The following LDLRAD4 variants were observed in gnomAD, a reference collection of about 807,000 sequenced individuals.
The protein encoded by LDLRAD4 is low density lipoprotein receptor class A domain containing 4, also known as low-density lipoprotein receptor class A domain-containing protein 4.
A neutral mutation model predicts 17.0 loss-of-function variants in LDLRAD4; 5 were observed. The observed-to-expected ratio is 0.29, with a 90% CI of 0.15 to 0.62. The LOEUF is 0.62. Among genes scored for constraint, LDLRAD4 ranks in the 20% least tolerant of loss-of-function variants. The pLI is 0.84. For missense variants in LDLRAD4, 340 were observed against 424.7 expected (o/e 0.80, Z 1.75); for synonymous variants, 168 against 171.8 (o/e 0.98, Z 0.17).
intron 2 of LDLRAD4, among the ~76,000 whole-genome samples, chr18:13,428,780 C>T (rs543750985): frequency 6.6e-4 from 101 of 152,212 alleles, no homozygotes; most frequent in African/African-American, 2.3e-3. Context: ...AGTGGCATCT[C>T]TATCCCCAGT....
intron 1 of LDLRAD4, among the ~76,000 whole-genome samples, chr18:13,258,926 A>C (rs1403154055): frequency 6.6e-6 from 1 of 152,198 alleles, no homozygotes; most frequent in East Asian, 1.9e-4. Flanking sequence ...TTAATCCAGA[A>C]TGGCCAAGTG....
chr18:13,620,161 C>T lies in LDLRAD4; in HGVS notation c.182-956C>T, dbSNP rs571421652. Among the ~76,000 whole-genome samples, 273 of 152,300 alleles carry T rather than the reference C, an allele frequency of 1.8e-3. 2 individuals are homozygous for T. The highest frequency in any genetic ancestry group is 2.9e-3 in the Non-Finnish European group (195 of 68,010). On this transcript the variant is annotated intron_variant, in intron 3 of 5. Transcript: ENST00000359446. ...GCATCGCCCCACGTATGAGCGGATA[C>T]ACTTGACAGATATGCCTCCCCACTG... is the stretch of plus-strand genomic sequence containing the variant.
At chr18:13,479,790 C>A (rs1243057286) in intron 3 of LDLRAD4, among the ~76,000 whole-genome samples, 1 of 152,080 alleles carries the variant, frequency 6.6e-6, no homozygotes, top group African/African-American at 2.4e-5. Flanking sequence ...AGACACCTCA[C>A]CAAAGAAAAT....
chr18:13,248,731 T>C (rs1436554619), intron 1 of LDLRAD4, among the ~76,000 whole-genome samples: 2 of 152,242 alleles, frequency 1.3e-5, no homozygotes, highest in Non-Finnish European at 2.9e-5. Context: ...ATCTCCATCA[T>C]CTCAAACATT....
At chr18:13,587,373 G>A (rs562666898) in intron 3 of LDLRAD4, among the ~76,000 whole-genome samples, 4 of 152,332 alleles carry the variant, frequency 2.6e-5, no homozygotes, top group African/African-American at 9.6e-5. Context: ...GCCAGGTACT[G>A]TGCTAGAAGC....
intron 3 of LDLRAD4, among the ~76,000 whole-genome samples, chr18:13,548,628 T>C (rs1215197784): frequency 6.6e-6 from 1 of 152,352 alleles, no homozygotes; most frequent in East Asian, 1.9e-4. Context: ...CTTCCAAGCC[T>C]GCTGGGGCAC....
chr18:13,337,851 G>A (rs1431070241), intron 1 of LDLRAD4, among the ~76,000 whole-genome samples: 6 of 152,038 alleles, frequency 3.9e-5, no homozygotes. Context: ...ACAGCACGAG[G>A]CCATCTCTAA....
chr18:13,406,923 T>C (rs1360742988), intron 2 of LDLRAD4, among the ~76,000 whole-genome samples: 2 of 152,126 alleles, frequency 1.3e-5, no homozygotes, highest in Non-Finnish European at 2.9e-5. Context: ...ATAACCTTTG[T>C]AGAGCAGACA....
At chr18:13,421,376 G>A (rs768130767) in intron 2 of LDLRAD4, among the ~76,000 whole-genome samples, 12 of 152,168 alleles carry the variant, frequency 7.9e-5, no homozygotes, top group Non-Finnish European at 1.3e-4. Context: ...GCCATCACCC[G>A]CTCACTGCAG....
At chr18:13,227,435 G>A (rs924182592) in intron 1 of LDLRAD4, among the ~76,000 whole-genome samples, 1 of 152,146 alleles carries the variant, frequency 6.6e-6, no homozygotes, top group East Asian at 1.9e-4. Context: ...ACATCAGGTG[G>A]GGAGACCCTC....
intron 1 of LDLRAD4, among the ~76,000 whole-genome samples, chr18:13,372,954 G>A (rs538513801): frequency 6.6e-5 from 10 of 152,330 alleles, no homozygotes; most frequent in Admixed American, 3.9e-4. Context: ...CTCCAGTTGC[G>A]TCTTCATGTA....
chr18:13,625,994 G>A (rs1028458323), intron 4 of LDLRAD4, among the ~76,000 whole-genome samples: 6 of 151,692 alleles, frequency 4.0e-5, no homozygotes, highest in Admixed American at 6.6e-5. Flanking sequence ...GTCGCCATGC[G>A]GTAGACACTG....
intron 3 of LDLRAD4, among the ~76,000 whole-genome samples, chr18:13,538,627 C>T (rs12327237): frequency 0.02 from 3,105 of 151,974 alleles, 119 homozygotes; most frequent in African/African-American, 0.072. Context: ...TGGGTTCAAG[C>T]GATTCTCCCA....
chr18:13,456,840 C>T (rs1359596485), intron 3 of LDLRAD4, among the ~76,000 whole-genome samples: 4 of 152,220 alleles, frequency 2.6e-5, no homozygotes, highest in African/African-American at 9.6e-5. Flanking sequence ...AACAATGCCA[C>T]CCATTTTTCT....
At chr18:13,546,520 C>T (rs2094366581) in intron 3 of LDLRAD4, among the ~76,000 whole-genome samples, 1 of 151,920 alleles carries the variant, frequency 6.6e-6, no homozygotes, top group Non-Finnish European at 1.5e-5. Flanking sequence ...AGGTGTGCAC[C>T]ACCATGCCTG....
Position 13,460,465 on chromosome 18 carries a change from T to C in LDLRAD4, c.181+22081T>C, listed in dbSNP as rs73406351. On this transcript the variant is annotated intron_variant, in intron 3 of 5. Coordinates refer to ENST00000359446, the Ensembl canonical transcript of LDLRAD4. Reference sequence around the variant, plus strand: ...CCTCAGCCTCCCAAAGTGCTGGGATTACAGGCATGAGCCATGCACCCGTCC... The same window carrying C: ...CCTCAGCCTCCCAAAGTGCTGGGATCACAGGCATGAGCCATGCACCCGTCC... Among the ~76,000 whole-genome samples the C allele has an allele frequency of 4.7e-3, 722 of 152,368 alleles. 7 individuals are homozygous for C. The highest frequency in any genetic ancestry group is 0.016 in the African/African-American group (683 of 41,588).
upstream of LDLRAD4, among the ~76,000 whole-genome samples, chr18:13,277,254 C>A (rs1042182714): frequency 6.6e-5 from 10 of 152,334 alleles, no homozygotes; most frequent in African/African-American, 2.4e-4. Context: ...ACAAGCCAGA[C>A]AGATGGTGGC....
intron 3 of LDLRAD4, chr18:13,611,802 G>A: frequency 1.0e-6 from 1 of 985,776 alleles, no homozygotes; most frequent in Non-Finnish European, 1.2e-6. Flanking sequence ...CGGGGGGAAA[G>A]GAGCGCGCAG....
intron 1 of LDLRAD4, among the ~76,000 whole-genome samples, chr18:13,222,196 C>G (rs1308706317): frequency 6.6e-6 from 1 of 152,142 alleles, no homozygotes; most frequent in Non-Finnish European, 1.5e-5. Flanking sequence ...CTCCCCCCAT[C>G]CATTTATTTA....
Sources: allele counts gnomAD v4.1 joint callset (sites outside exome capture counted in the v4.1 genomes callset), GRCh38; gene constraint gnomAD v4.1.1; transcripts MANE v1.5; gene names NCBI Gene and HGNC (gene_info 2026-07-23, HGNC 2026-07-21).